Variants in RIPOR3 observed in about 807,000 individuals in gnomAD.
RIPOR3 encodes RIPOR family member 3.
RIPOR3 carries 95 observed loss-of-function variants against 114.3 expected under a neutral mutation model. That is an observed-to-expected ratio of 0.83 (90% CI 0.70 to 0.99). The LOEUF (loss-of-function observed/expected upper bound fraction) is 0.99. Among genes scored for constraint, RIPOR3 ranks in the 50% least tolerant of loss-of-function variants. The pLI is 0.00. For synonymous variants in RIPOR3, 575 were observed against 543.8 expected (o/e 1.06, Z -0.80); for missense variants, 1,252 against 1,266.9 (o/e 0.99, Z 0.18).
rs766951532 is a variant in RIPOR3 at position 50,602,107 on chromosome 20, C to G, written c.1624G>C (p.Glu542Gln). Residue 542 changes from glutamate (E) to glutamine (Q), a missense_variant, in exon 13 of 22, where the codon GAG (glutamate) becomes CAG (glutamine). Physicochemically the swap from Glu to Gln is conservative, Grantham distance 29. Transcript: ENST00000327979. The surrounding 1 kb of genome is among the most constrained non-coding windows in gnomAD (Gnocchi z 4.3). ...DSTQPQLREL[E>Q]YQVLGFRDRL... The stretch of plus-strand genomic sequence containing the variant: ...TCCCGGAAGCCGAGGACCTGGTACT[C>G]CAGCTCCCGGAGCTGGGGCTGGGTG... The G allele has an allele frequency of 6.3e-7, 1 of 1,599,462 alleles. No individual in the cohort carries two copies. The highest frequency in any genetic ancestry group is 8.5e-7 in the Non-Finnish European group (1 of 1,172,642).
chr20:50,669,861 GA>G lies in RIPOR3; in HGVS notation c.3+21264del, dbSNP rs375482622. Among the ~76,000 whole-genome samples, 1,290 of 135,606 alleles carry G rather than the reference GA, an allele frequency of 9.5e-3. 14 individuals carry two copies. The highest frequency in any genetic ancestry group is 0.026 in the African/African-American group (972 of 37,122). The allele number at this position is 135,606 out of a possible 152,430, so 89.0% of individuals were successfully genotyped here. A position where few individuals can be genotyped will look rare whatever the true frequency, so the allele number is the denominator to read the frequency against. ...GATGCAGTAGAGAAGAGGGGGCTCT[GA>G]AAAAAAAAAAAAGGCTGGGCGCAGT... On this transcript the variant is annotated intron_variant, in intron 1 of 21. Coordinates refer to ENST00000327979, the MANE Select transcript of RIPOR3 (RefSeq NM_001290268.2).
At chr20:50,663,306 C>T (rs1221227329) in intron 1 of RIPOR3, among the ~76,000 whole-genome samples, 1 of 152,112 alleles carries the variant, frequency 6.6e-6, no homozygotes, top group African/African-American at 2.4e-5. Flanking sequence ...AGACCTACTG[C>T]TGGCTACAAC....
At chr20:50,674,887 G>A (rs746526287) in intron 1 of RIPOR3, among the ~76,000 whole-genome samples, 18 of 151,604 alleles carry the variant, frequency 1.2e-4, no homozygotes, top group African/African-American at 1.2e-4. Context: ...GTTCAAGACC[G>A]GCCTGGGCAA....
Position 50,594,671 on chromosome 20 carries a change from C to T in RIPOR3, c.2094G>A (p.Trp698Ter). ...CCCTGCCAGGCCCTGTGCACCCTCT[C>T]CACAGCTTCAGGCACCCCTTCGTCC... ...ASRTKGCLKL[W>*]RGCTGPGRVL... The change falls in exon 17 of 22, where the codon TGG (tryptophan) becomes TGA (stop). Residue 698 changes from tryptophan to a stop codon, truncating the protein, a stop_gained. Transcript: ENST00000327979. LOFTEE classifies it high-confidence loss of function. 1 of 1,613,668 alleles carries T rather than the reference C, an allele frequency of 6.2e-7. No homozygotes were observed. The highest frequency in any genetic ancestry group is 8.5e-7 in the Non-Finnish European group (1 of 1,179,758).
intron 1 of RIPOR3, among the ~76,000 whole-genome samples, chr20:50,688,643 C>T (rs1226023009): frequency 6.6e-6 from 1 of 152,192 alleles, no homozygotes; most frequent in Non-Finnish European, 1.5e-5. Context: ...TATCACCGAA[C>T]TGAGGAGGAA....
intron 1 of RIPOR3, among the ~76,000 whole-genome samples, chr20:50,636,111 A>T (rs901295308): frequency 6.6e-6 from 1 of 152,174 alleles, no homozygotes; most frequent in South Asian, 2.1e-4. Context: ...CTGATCCATG[A>T]CGTTGACTTG....
chr20:50,638,252 C>T lies in RIPOR3; in HGVS notation c.4-7396G>A, dbSNP rs1250032684. Among the ~76,000 whole-genome samples, 8 of 152,212 alleles carry T rather than the reference C, an allele frequency of 5.3e-5. No individual in the cohort carries two copies. In the East Asian group the frequency reaches 5.8e-4, roughly 11 times the overall value. On this transcript the variant is annotated intron_variant, in intron 1 of 21. Coordinates refer to ENST00000327979, the MANE Select transcript of RIPOR3 (RefSeq NM_001290268.2). ...TGTGATTTAAGAGAAGAACAAGCAG[C>T]TCCTTGGGAAGCCCCAGTGTCCCCT...
At chr20:50,605,741 G>A (rs2083685318) in intron 11 of RIPOR3, among the ~76,000 whole-genome samples, 1 of 150,934 alleles carries the variant, frequency 6.6e-6, no homozygotes, top group Non-Finnish European at 1.5e-5. Context: ...TCATGCCACT[G>A]CTCTCCAGTC....
Position 50,609,638 on chromosome 20 carries a change from G to A in RIPOR3, c.511C>T (p.Pro171Ser), listed in dbSNP as rs2083875484. The change falls in exon 7 of 22, where the codon CCC becomes TCC. Residue 171 changes from proline to serine, a missense_variant. Coordinates refer to ENST00000327979, the MANE Select transcript of RIPOR3 (RefSeq NM_001290268.2). ...SSMQRAFARCPPSRAARESLQ... is the reference protein window; with the variant it reads ...SSMQRAFARCSPSRAARESLQ... The stretch of plus-strand genomic sequence containing the variant: ...CTCTCTCGGGCTGCGCGGCTCGGGG[G>A]GCACCGGGCGAAGGCCCGCTGCATG... 7.1e-6 allele frequency: 10 copies of A among 1,401,070 alleles called. No individual in the cohort carries two copies. Among genetic ancestry groups the A allele is most frequent in the Non-Finnish European group, 9.3e-6 (10 of 1,080,980 alleles). 86.8% of individuals were successfully genotyped at this position (1,401,070 alleles called of 1,614,324 possible). A position where few individuals can be genotyped will look rare whatever the true frequency, so the allele number is the denominator to read the frequency against.
At chr20:50,600,102 C>G (rs1264776487) in intron 13 of RIPOR3, among the ~76,000 whole-genome samples, 1 of 152,134 alleles carries the variant, frequency 6.6e-6, no homozygotes, top group Non-Finnish European at 1.5e-5. Context: ...GGGGTTTTGC[C>G]ATGTTGGCCA....
At chr20:50,626,091 C>T (rs901900917) in intron 2 of RIPOR3, among the ~76,000 whole-genome samples, 3 of 152,228 alleles carry the variant, frequency 2.0e-5, no homozygotes, top group Non-Finnish European at 4.4e-5. Context: ...TGCGCTTCGG[C>T]CTGCTCGGGT....
At chr20:50,689,018 G>C (rs999741915) in intron 1 of RIPOR3, among the ~76,000 whole-genome samples, 4 of 152,100 alleles carry the variant, frequency 2.6e-5, no homozygotes, top group Non-Finnish European at 4.4e-5. Context: ...CTCAGAAGCT[G>C]CAGGGCCATA....
chr20:50,640,201 C>T (rs2085138343), intron 1 of RIPOR3, among the ~76,000 whole-genome samples: 2 of 152,172 alleles, frequency 1.3e-5, no homozygotes, highest in South Asian at 2.1e-4. Context: ...TCCCACAGGG[C>T]CTCTGCCACT....
intron 1 of RIPOR3, among the ~76,000 whole-genome samples, chr20:50,670,785 T>C (rs549710148): frequency 9.9e-5 from 15 of 152,268 alleles, no homozygotes; most frequent in African/African-American, 2.9e-4. Context: ...GCTCTGTATG[T>C]AGTTGGCTTC....
chr20:50,691,194 T>A lies in RIPOR3; in HGVS notation c.-66A>T. ...CTTGCAGCTGCCTCACTTTCCCTATTGCCGCCAGCAAGCGTCTGCTCCCAT... is the reference window on the plus strand; with the variant it reads ...CTTGCAGCTGCCTCACTTTCCCTATAGCCGCCAGCAAGCGTCTGCTCCCAT... On this transcript the variant is annotated 5_prime_UTR_variant, in exon 1 of 22. Coordinates refer to ENST00000327979, the MANE Select transcript of RIPOR3 (RefSeq NM_001290268.2). 1.6e-6 allele frequency: 2 copies of A among 1,289,304 alleles called. No individual in the cohort carries two copies. The highest frequency in any genetic ancestry group is 2.0e-6 in the Non-Finnish European group (2 of 988,786). The allele number at this position is 1,289,304 out of a possible 1,614,324, so 79.9% of individuals were successfully genotyped here.
intron 1 of RIPOR3, among the ~76,000 whole-genome samples, chr20:50,666,758 A>T (rs779887517): frequency 2.0e-5 from 3 of 150,340 alleles, no homozygotes; most frequent in Non-Finnish European, 4.4e-5. Flanking sequence ...ATGGGGTTTC[A>T]CCATGTTGGC....
chr20:50,621,785 T>C (rs2084416418), intron 2 of RIPOR3, among the ~76,000 whole-genome samples: 1 of 152,234 alleles, frequency 6.6e-6, no homozygotes, highest in Non-Finnish European at 1.5e-5. Context: ...TGCAGTTACA[T>C]GAGCCAACTG....
In RIPOR3 at chr20:50,631,780, G is replaced by C. The variant is rs190782309; in HGVS notation, c.4-924C>G. Among the ~76,000 whole-genome samples, 848 of 152,342 alleles carry C rather than the reference G, an allele frequency of 5.6e-3. 13 individuals are homozygous for C. Among genetic ancestry groups the C allele is most frequent in the African/African-American group, 0.019 (807 of 41,584 alleles). ...TTTTTCCAAACCATCTCTAGATTGAGAAAATGCCACCCTATCCCTTGGGAA... is the reference window on the plus strand; with the variant it reads ...TTTTTCCAAACCATCTCTAGATTGACAAAATGCCACCCTATCCCTTGGGAA... On this transcript the variant is annotated intron_variant, in intron 1 of 21. Coordinates refer to ENST00000327979, the MANE Select transcript of RIPOR3 (RefSeq NM_001290268.2).
intron 14 of RIPOR3, 140 bp downstream of exon 14, chr20:50,597,440 A>T: frequency 8.1e-7 from 1 of 1,230,810 alleles, no homozygotes; most frequent in Admixed American, 2.5e-5. Flanking sequence ...TGGCATGGGG[A>T]AGGGTGCACG....
Sources: gnomAD v4.1 joint callset for allele counts (sites outside exome capture counted in the v4.1 genomes callset) on GRCh38, gnomAD v4.1.1 for gene constraint, Gnocchi (gnomAD v3.1) non-coding constraint, MANE v1.5 for transcripts, NCBI Gene and HGNC (gene_info 2026-07-23, HGNC 2026-07-21) for gene names.